Variants in TBC1D19 observed in about 807,000 individuals in gnomAD.
The protein encoded by TBC1D19 is TBC1 domain family, member 19.
TBC1D19 carries 60 observed loss-of-function variants against 89.0 expected under a neutral mutation model. The observed-to-expected ratio is 0.67, with a 90% CI of 0.55 to 0.84. TBC1D19 has a LOEUF of 0.84. Among genes scored for constraint, TBC1D19 ranks in the 40% least tolerant of loss-of-function variants. TBC1D19 has a pLI of 0.00. For synonymous variants in TBC1D19, 189 were observed against 199.7 expected (o/e 0.95, Z 0.45); for missense variants, 500 against 610.8 (o/e 0.82, Z 1.91).
chr4:26,829,592 C>G, the TBC1D19 span, among the ~76,000 whole-genome samples: 1 of 152,176 alleles, frequency 6.6e-6, no homozygotes, highest in African/African-American at 2.4e-5. Context: ...TTTCCCCTCT[C>G]TCACACAGAA....
At position 26,584,215 on chromosome 4, in the gene TBC1D19, C is replaced by A; in HGVS notation, c.22C>A (p.Leu8Ile). Residue 8 changes from leucine to isoleucine, a missense_variant, in exon 1 of 21, where the codon CTC becomes ATC. Leu to Ile is a conservative substitution (Grantham distance 5). Coordinates refer to ENST00000264866, the MANE Select transcript of TBC1D19 (RefSeq NM_018317.4). ...GGAAATGTTGCAGGAGGAGTCGGAC[C>A]TCTCTCTCATTATTGCCCAGATAGT... MLQEESD[L>I]SLIIAQIVQK... 1 of 1,612,280 alleles carries A rather than the reference C, an allele frequency of 6.2e-7. No individual in the cohort carries two copies. The highest frequency in any genetic ancestry group is 1.6e-4 in the Middle Eastern group (1 of 6,062).
At chr4:26,606,713 C>G (rs1370878939) in intron 1 of TBC1D19, among the ~76,000 whole-genome samples, 1 of 152,138 alleles carries the variant, frequency 6.6e-6, no homozygotes, top group Non-Finnish European at 1.5e-5. Flanking sequence ...ATTCTGTAAT[C>G]ACTTCTAACC....
intron 17 of TBC1D19, among the ~76,000 whole-genome samples, chr4:26,741,413 G>T (rs1032694993): frequency 1.3e-5 from 2 of 149,088 alleles, no homozygotes; most frequent in Non-Finnish European, 3.0e-5. Context: ...CTGATATTCA[G>T]TTCTAAGTAT....
At chr4:26,698,302 C>T (rs1714993596) in intron 13 of TBC1D19, among the ~76,000 whole-genome samples, 1 of 152,128 alleles carries the variant, frequency 6.6e-6, no homozygotes, top group African/African-American at 2.4e-5. Context: ...ATCCAACTTA[C>T]AAGGGACGTG....
chr4:26,751,290 A>C (rs1386789947), intron 19 of TBC1D19, among the ~76,000 whole-genome samples: 4 of 152,216 alleles, frequency 2.6e-5, no homozygotes, highest in Non-Finnish European at 4.4e-5. Context: ...CCTTTGGAGA[A>C]ACAGTTTCCC....
chr4:26,610,073 G>C (rs1741263928), intron 1 of TBC1D19, among the ~76,000 whole-genome samples: 1 of 152,184 alleles, frequency 6.6e-6, no homozygotes, highest in African/African-American at 2.4e-5. Flanking sequence ...ATTTAAGTAA[G>C]GTGGCAAGAA....
At chr4:26,739,141 T>C (rs1399257322) in intron 16 of TBC1D19, among the ~76,000 whole-genome samples, 1 of 152,198 alleles carries the variant, frequency 6.6e-6, no homozygotes. Flanking sequence ...AATAATCACA[T>C]GCTCAGGTAG....
At position 26,638,920 on chromosome 4, in the gene TBC1D19, CT is replaced by C. The variant is rs949522940; in HGVS notation, c.433+90del. ...ATCCAAAATAACATAATTAACAATTCTTTTGGGAAGATTGCAATTTTCCTTC... is the reference window on the plus strand; with the variant it reads ...ATCCAAAATAACATAATTAACAATTCTTTGGGAAGATTGCAATTTTCCTTC... On this transcript the variant is annotated intron_variant, in intron 6 of 20. Coordinates refer to ENST00000264866, the MANE Select transcript of TBC1D19 (RefSeq NM_018317.4). 3 of 1,106,564 alleles carry C rather than the reference CT, an allele frequency of 2.7e-6. No homozygotes were observed. In the African/African-American group the frequency reaches 4.8e-5, roughly 18 times the overall value. The allele number at this position is 1,106,564 out of a possible 1,614,324, so 68.5% of individuals were successfully genotyped here.
intron 15 of TBC1D19, among the ~76,000 whole-genome samples, chr4:26,723,473 C>T (rs1007142389): frequency 1.3e-5 from 2 of 152,152 alleles, no homozygotes; most frequent in African/African-American, 4.8e-5. Context: ...CCTGACCAGG[C>T]CAGTGCTTAC....
intron 13 of TBC1D19, among the ~76,000 whole-genome samples, chr4:26,706,431 C>G (rs1167806095): frequency 6.6e-6 from 1 of 151,682 alleles, no homozygotes; most frequent in Non-Finnish European, 1.5e-5. Context: ...TTTCTTAGTC[C>G]TTCTAGCTCA....
At position 26,751,704 on chromosome 4, in the gene TBC1D19, G is replaced by A. The variant is rs76697470; in HGVS notation, c.1436-2116G>A. Among the ~76,000 whole-genome samples the A allele has an allele frequency of 5.3e-3, 803 of 151,878 alleles. 5 individuals are homozygous for A. The highest frequency in any genetic ancestry group is 0.018 in the African/African-American group (753 of 41,420). The stretch of plus-strand genomic sequence containing the variant: ...GACGAGTTCTAATGCTTTTTTGCCC[G>A]ACTGTCCAAAATCTCTAGTCCCCTA... On this transcript the variant is annotated intron_variant, in intron 19 of 20. Transcript: ENST00000264866.
chr4:26,852,697 G>A, the TBC1D19 span, among the ~76,000 whole-genome samples: 1 of 151,828 alleles, frequency 6.6e-6, no homozygotes, highest in Non-Finnish European at 1.5e-5. Context: ...TTGGCTCACT[G>A]CAACCTCTGC....
At chr4:26,633,290 T>C (rs1052838246) in intron 4 of TBC1D19, among the ~76,000 whole-genome samples, 2 of 152,170 alleles carry the variant, frequency 1.3e-5, no homozygotes, top group African/African-American at 4.8e-5. Context: ...AAGGTCCCTA[T>C]GACCCAGACC....
At chr4:26,640,946 C>G (rs1339589329) in intron 7 of TBC1D19, among the ~76,000 whole-genome samples, 1 of 152,242 alleles carries the variant, frequency 6.6e-6, no homozygotes, top group Non-Finnish European at 1.5e-5. Context: ...CTGCCTGCCT[C>G]TGTAGACTCC....
At chr4:26,757,615 G>A (rs567656275), downstream of TBC1D19, among the ~76,000 whole-genome samples, 280 of 152,272 alleles carry the variant, frequency 1.8e-3, no homozygotes, top group African/African-American at 6.4e-3. Flanking sequence ...CAGTGTTCTG[G>A]CTAATAGAAA....
chr4:26,789,084 C>A, the TBC1D19 span, among the ~76,000 whole-genome samples: 191 of 152,280 alleles, frequency 1.3e-3, 7 homozygotes, highest in South Asian at 0.038. Flanking sequence ...TGTAAGGAAC[C>A]CACAGTTTGA....
the TBC1D19 span, among the ~76,000 whole-genome samples, chr4:26,851,311 A>ATCTATCTATCTATCTGTCTG: frequency 0.073 from 8,404 of 114,802 alleles, 270 homozygotes; most frequent in Non-Finnish European, 0.086. Flanking sequence ...TACCCTATCT[A>ATCTATCTATCTATCTGTCTG]TCTATCTATC....
At chr4:26,625,284 A>G (rs1742321193) in intron 4 of TBC1D19, among the ~76,000 whole-genome samples, 1 of 152,152 alleles carries the variant, frequency 6.6e-6, no homozygotes. Context: ...TCCACAAAAA[A>G]TGGTTCCTTG....
the TBC1D19 span, among the ~76,000 whole-genome samples, chr4:26,824,553 G>A: frequency 2.6e-5 from 4 of 152,230 alleles, no homozygotes; most frequent in Non-Finnish European, 5.9e-5. Context: ...GCTTCTGAGT[G>A]TATGTCCTCT....
Sources: allele counts gnomAD v4.1 joint callset (sites outside exome capture counted in the v4.1 genomes callset), GRCh38; gene constraint gnomAD v4.1.1; transcripts MANE v1.5; gene names NCBI Gene and HGNC (gene_info 2026-07-23, HGNC 2026-07-21).